Variants in UBA6 observed in about 807,000 individuals in gnomAD.
UBA6 encodes ubiquitin-like modifier-activating enzyme 6.
UBA6 carries 87 observed loss-of-function variants against 148.3 expected under a neutral mutation model. The ratio of observed to expected loss-of-function variants is 0.59; its 90% CI spans 0.49 to 0.70. The LOEUF is 0.70. Ranked by LOEUF, UBA6 falls within the 30% of genes least tolerant of loss-of-function variation. The probability of loss-of-function intolerance (pLI) is 0.00; values close to 1 mark genes in which losing one functional copy is unlikely to be tolerated. For missense variants in UBA6, 1,186 were observed against 1,241.2 expected (o/e 0.96, Z 0.67); for synonymous variants, 376 against 401.0 (o/e 0.94, Z 0.75).
At chr4:67,678,095 GATATATTATATGTAAT>G (rs1730332222) in intron 5 of UBA6, among the ~76,000 whole-genome samples, 1 of 146,224 alleles carries the variant, frequency 6.8e-6, no homozygotes, top group Non-Finnish European at 1.5e-5. Context: ...ATATATAAAA[GATATATTATATGTAAT>G]ATATATTATA....
chr4:67,630,750 A>C (rs933911179), intron 25 of UBA6, among the ~76,000 whole-genome samples: 1 of 152,190 alleles, frequency 6.6e-6, no homozygotes, highest in Non-Finnish European at 1.5e-5. Context: ...AGTTATTCTC[A>C]AAAACACTTA....
chr4:67,652,313 T>G (rs1729571192), intron 13 of UBA6, among the ~76,000 whole-genome samples: 1 of 152,110 alleles, frequency 6.6e-6, no homozygotes, highest in African/African-American at 2.4e-5. Flanking sequence ...AGAAGACATA[T>G]GAATGGCAAA....
Position 67,644,678 on chromosome 4 carries a change from C to T in UBA6, c.1476+20G>A. The T allele has an allele frequency of 7.0e-7, 1 of 1,421,972 alleles. No homozygotes were observed. Among genetic ancestry groups the T allele is most frequent in the Non-Finnish European group, 9.9e-7 (1 of 1,005,536 alleles). 88.1% of individuals were successfully genotyped at this position (1,421,972 alleles called of 1,614,324 possible). On this transcript the variant is annotated intron_variant, in intron 17 of 32. Transcript: ENST00000322244. ...ACAACAGAAATATAAACTTTTAACT[C>T]TCAAGAATTGATATCTTACCATTCC...
At chr4:67,661,410 C>T (rs1023662771) in intron 13 of UBA6, among the ~76,000 whole-genome samples, 1 of 152,046 alleles carries the variant, frequency 6.6e-6, no homozygotes, top group Non-Finnish European at 1.5e-5. Flanking sequence ...TTTGTAAGAA[C>T]CTGGCAGTTC....
chr4:67,612,798 G>A lies in UBA6; in HGVS notation c.*6199C>T, dbSNP rs1261269883. 6.6e-6 allele frequency: 1 copy of A among 152,114 alleles called. No homozygotes were observed. Among genetic ancestry groups the A allele is most frequent in the African/African-American group, 2.4e-5 (1 of 41,410 alleles). 9.4% of individuals were successfully genotyped at this position (152,114 alleles called of 1,614,324 possible). A position where few individuals can be genotyped will look rare whatever the true frequency, so the allele number is the denominator to read the frequency against. ...CACTTGAAAACATTTAGAAAAGCTG[G>A]ATAAAATATACTTTTCAAAGATGTA... is the stretch of plus-strand genomic sequence containing the variant. On this transcript the variant is annotated 3_prime_UTR_variant, in exon 33 of 33. Transcript: ENST00000322244.
chr4:67,649,103 C>T lies in UBA6; in HGVS notation c.1213G>A (p.Ala405Thr), dbSNP rs1423233337. 1.2e-6 allele frequency: 2 copies of T among 1,613,948 alleles called. No homozygotes were observed. Among genetic ancestry groups the T allele is most frequent in the Admixed American group, 3.3e-5 (2 of 59,984 alleles). ...AAAGGAGAAAATTTTCCTGTTACAGCTTTCAATACTTCTTGGCTGGCAACA... is the reference window on the plus strand; with the variant it reads ...AAAGGAGAAAATTTTCCTGTTACAGTTTTCAATACTTCTTGGCTGGCAACA... ...GGVASQEVLK[A>T]VTGKFSPLCQ... The change falls in exon 14 of 33, where the codon GCT (alanine) becomes ACT (threonine). Residue 405 changes from alanine (A) to threonine (T), a missense_variant. By Grantham distance (58) the Ala-to-Thr change is moderately conservative. Coordinates refer to ENST00000322244, the MANE Select transcript of UBA6 (RefSeq NM_018227.6).
chr4:67,659,830 A>G lies in UBA6; in HGVS notation c.1104+2359T>C, dbSNP rs918316021. Among the ~76,000 whole-genome samples the G allele has an allele frequency of 3.9e-5, 6 of 152,206 alleles. 1 individual carries two copies. Among genetic ancestry groups the G allele is most frequent in the African/African-American group, 1.4e-4 (6 of 41,530 alleles). On this transcript the variant is annotated intron_variant, in intron 13 of 32. Coordinates refer to ENST00000322244, the MANE Select transcript of UBA6 (RefSeq NM_018227.6). ...GAAAGTTTGGAACTTATCAGTTTTGACCAAAATGCTGATAGTGATATGGAC... is the reference window on the plus strand; with the variant it reads ...GAAAGTTTGGAACTTATCAGTTTTGGCCAAAATGCTGATAGTGATATGGAC...
intron 2 of UBA6, among the ~76,000 whole-genome samples, chr4:67,695,291 T>C (rs1387962647): frequency 1.3e-5 from 2 of 152,238 alleles, no homozygotes; most frequent in African/African-American, 2.4e-5. Flanking sequence ...ACCTGCTTGC[T>C]GTTTTGCAAG....
intron 2 of UBA6, among the ~76,000 whole-genome samples, chr4:67,693,961 T>C (rs1730761704): frequency 6.6e-6 from 1 of 151,788 alleles, no homozygotes; most frequent in Non-Finnish European, 1.5e-5. Context: ...GCGCCTGTAA[T>C]CCCAGCACTT....
chr4:67,634,519 CTAATTTATAAAATATGACAACAGGTACT>C lies in UBA6; in HGVS notation c.1843-29_1843-2del, dbSNP rs1427607813. On this transcript the variant is annotated splice_acceptor_variant and splice_polypyrimidine_tract_variant and intron_variant, in intron 20 of 32. Transcript: ENST00000322244. LOFTEE classifies it high-confidence loss of function. Reference sequence around the variant, plus strand: ...GTATTTCCTCTTCTGGGGGATCCCGCTAATTTATAAAATATGACAACAGGTACTTAAGGGGAAGCAATGACCAATTTTT... The same window carrying C: ...GTATTTCCTCTTCTGGGGGATCCCGCTAAGGGGAAGCAATGACCAATTTTT... 1 of 1,554,406 alleles carries C rather than the reference CTAATTTATAAAATATGACAACAGGTACT, an allele frequency of 6.4e-7. No homozygotes were observed. Among genetic ancestry groups the C allele is most frequent in the South Asian group, 1.3e-5 (1 of 79,362 alleles).
intron 1 of UBA6, among the ~76,000 whole-genome samples, chr4:67,699,438 T>C (rs1730918007): frequency 6.6e-6 from 1 of 152,192 alleles, no homozygotes; most frequent in Non-Finnish European, 1.5e-5. Flanking sequence ...TACCAGCTTC[T>C]AGCTAATTAA....
chr4:67,652,946 C>T (rs1488977170), intron 13 of UBA6, among the ~76,000 whole-genome samples: 1 of 152,214 alleles, frequency 6.6e-6, no homozygotes, highest in African/African-American at 2.4e-5. Flanking sequence ...CTGAGATCCA[C>T]CTGCGAGGCT....
intron 2 of UBA6, among the ~76,000 whole-genome samples, chr4:67,691,919 TGAAA>T (rs933794265): frequency 1.3e-5 from 2 of 152,196 alleles, no homozygotes; most frequent in African/African-American, 4.8e-5. Flanking sequence ...GCAGGATTGC[TGAAA>T]GAAAGTCATA....
chr4:67,688,870 C>A (rs1489063699), intron 2 of UBA6, among the ~76,000 whole-genome samples: 1 of 151,812 alleles, frequency 6.6e-6, no homozygotes, highest in Non-Finnish European at 1.5e-5. Flanking sequence ...GTTATTTATG[C>A]CTGTAAAAAA....
intron 16 of UBA6, among the ~76,000 whole-genome samples, 168 bp downstream of exon 16, chr4:67,645,770 T>C (rs952994542): frequency 1.3e-5 from 2 of 152,206 alleles, no homozygotes; most frequent in African/African-American, 4.8e-5. Context: ...AAACTTTTTC[T>C]GTAAAGGGTC....
At chr4:67,691,018 T>C (rs1450876205) in intron 2 of UBA6, among the ~76,000 whole-genome samples, 2 of 152,164 alleles carry the variant, frequency 1.3e-5, no homozygotes, top group Non-Finnish European at 2.9e-5. Context: ...TATGACAATG[T>C]ACACAGAGTT....
chr4:67,653,554 T>G (rs1032136894), intron 13 of UBA6, among the ~76,000 whole-genome samples: 1 of 151,950 alleles, frequency 6.6e-6, no homozygotes, highest in Non-Finnish European at 1.5e-5. Flanking sequence ...AGACCAAAAG[T>G]AGGTAAAAAT....
chr4:67,641,363 A>C, intron 17 of UBA6, 135 bp from the exon 18 acceptor site: 1 of 565,624 alleles, frequency 1.8e-6, no homozygotes, highest in South Asian at 2.8e-5. Context: ...AATGATACAA[A>C]CATTCCCAAA....
intron 13 of UBA6, among the ~76,000 whole-genome samples, chr4:67,659,526 T>C (rs1403882190): frequency 6.6e-6 from 1 of 152,138 alleles, no homozygotes; most frequent in Non-Finnish European, 1.5e-5. Flanking sequence ...TCTGCCATGA[T>C]GGTATAGTTT....
Sources: gnomAD v4.1 joint callset for allele counts (sites outside exome capture counted in the v4.1 genomes callset) on GRCh38, gnomAD v4.1.1 for gene constraint, MANE v1.5 for transcripts, NCBI Gene and HGNC (gene_info 2026-07-23, HGNC 2026-07-21) for gene names.